The following RNF31 variants were observed in gnomAD, a reference collection of about 807,000 sequenced individuals.
RNF31 encodes E3 ubiquitin-protein ligase RNF31.
RNF31 carries 38 observed loss-of-function variants against 133.6 expected under a neutral mutation model. The observed-to-expected ratio is 0.28, with a 90% CI of 0.22 to 0.37. The LOEUF (loss-of-function observed/expected upper bound fraction) is 0.37. RNF31 is among the 10% of genes least tolerant of loss of function. RNF31 has a pLI of 1.00. For synonymous variants in RNF31, 582 were observed against 552.3 expected (o/e 1.05, Z -0.75); for missense variants, 1,118 against 1,394.1 (o/e 0.80, Z 3.15).
At chr14:24,158,093 G>C (rs1171165627) in intron 17 of RNF31, 49 bp from the exon 18 acceptor site, 1 of 1,612,102 alleles carries the variant, frequency 6.2e-7, no homozygotes. Flanking sequence ...ATTGCAACAG[G>C]GACTTGGCAT....
At position 24,160,201 on chromosome 14, in the gene RNF31, G is replaced by C. The variant is rs755603038; in HGVS notation, c.2997-38G>C. The C allele has an allele frequency of 1.9e-6, 3 of 1,590,236 alleles. No homozygotes were observed. In the South Asian group the frequency reaches 3.3e-5, roughly 18 times the overall value. ...TGTTAGACACACTCAGTTAATATTAGCCAACACAACAAATATTCTGCTCCC... is the reference window on the plus strand; with the variant it reads ...TGTTAGACACACTCAGTTAATATTACCCAACACAACAAATATTCTGCTCCC... On this transcript the variant is annotated intron_variant, in intron 19 of 20. Transcript: ENST00000324103. This position sits in a 1 kb window ranked among gnomAD's most constrained non-coding sequence, Gnocchi z 4.0.
chr14:24,158,459 T>C (rs2038380027), intron 18 of RNF31: 1 of 523,112 alleles, frequency 1.9e-6, no homozygotes, highest in Non-Finnish European at 3.4e-6. Context: ...CATTCCCAAA[T>C]GATCATAATT....
chr14:24,148,495 C>T (rs1160115850), intron 3 of RNF31, 82 bp downstream of exon 3: 4 of 1,607,528 alleles, frequency 2.5e-6, no homozygotes, highest in Admixed American at 3.4e-5. Context: ...TGAGGACCCC[C>T]GTGCTGCTGA....
intron 11 of RNF31, among the ~76,000 whole-genome samples, chr14:24,153,178 C>T (rs1029758682): frequency 1.4e-4 from 21 of 152,092 alleles, no homozygotes; most frequent in Admixed American, 9.8e-4. Context: ...GGCATGATGC[C>T]TCATGCCTGT....
rs1460301138 is a variant in RNF31 at position 24,147,522 on chromosome 14, C to A, written c.-177C>A. On this transcript the variant is annotated 5_prime_UTR_variant, in exon 1 of 21. Transcript: ENST00000324103. ...CCTAGTACTTCCTGTTCTCGGCTAA[C>A]CCTGGCGCTGGGCCGGGGGCTGGAG... 6 of 494,814 alleles carry A rather than the reference C, an allele frequency of 1.2e-5. No individual in the cohort carries two copies. The highest frequency in any genetic ancestry group is 2.0e-5 in the Non-Finnish European group (6 of 299,042). 30.7% of individuals were successfully genotyped at this position (494,814 alleles called of 1,614,324 possible). A position where few individuals can be genotyped will look rare whatever the true frequency, so the allele number is the denominator to read the frequency against.
Position 24,157,638 on chromosome 14 carries a change from T to C in RNF31, c.2727T>C (p.Asn909=). 6.2e-7 allele frequency: 1 copy of C among 1,613,258 alleles called. No homozygotes were observed. The highest frequency in any genetic ancestry group is 8.5e-7 in the Non-Finnish European group (1 of 1,179,326). Residue 909 remains asparagine, a splice_region_variant and synonymous_variant, in exon 16 of 21, where the codon AAT becomes AAC. Transcript: ENST00000324103. ...GCTACAATGCCTTTTACGCCAAGAA[T>C]GTAAGCCCAGAGAGTTGGGGAAGGG... is the stretch of plus-strand genomic sequence containing the variant. ...SGCYNAFYAK[N]KCPEPNCRVK...
chr14:24,152,562 G>C (rs1594378056), intron 11 of RNF31, among the ~76,000 whole-genome samples: 1 of 143,478 alleles, frequency 7.0e-6, no homozygotes, highest in African/African-American at 2.5e-5. Flanking sequence ...GGGATTACAG[G>C]CACCCGCCAC....
Position 24,150,394 on chromosome 14 carries a change from T to C in RNF31, c.1143T>C (p.Pro381=), listed in dbSNP as rs1475946392. ...SICERPRLAQ[P]PSLVVDSRDA... ...GTGAGCGACCTCGGCTGGCCCAGCC[T>C]CCCAGCTTGGTGGTGGATTCCCGAG... is the stretch of plus-strand genomic sequence containing the variant. The change falls in exon 7 of 21, where the codon CCT becomes CCC. Residue 381 remains proline (P), a synonymous_variant. Transcript: ENST00000324103. The C allele has an allele frequency of 6.2e-7, 1 of 1,613,244 alleles. No homozygotes were observed. The highest frequency in any genetic ancestry group is 1.3e-5 in the African/African-American group (1 of 74,928).
At chr14:24,159,795 A>C in intron 18 of RNF31, 69 bp from the exon 19 acceptor site, 1 of 1,258,018 alleles carries the variant, frequency 7.9e-7, no homozygotes, top group Non-Finnish European at 1.2e-6. Context: ...TGCCTTGTGG[A>C]TATCCCAGTT....
Position 24,155,780 on chromosome 14 carries a change from A to G in RNF31, c.2493+88A>G, listed in dbSNP as rs2038333528. On this transcript the variant is annotated intron_variant, in intron 14 of 20. Coordinates refer to ENST00000324103, the MANE Select transcript of RNF31 (RefSeq NM_017999.5). The surrounding 1 kb of genome is among the most constrained non-coding windows in gnomAD (Gnocchi z 4.9). ...CAGGGGAGTTTGTGTACTGGAGAGC[A>G]AAACAGACATGAGCTCTGAGGTCAA... 8.9e-7 allele frequency: 1 copy of G among 1,119,348 alleles called. No homozygotes were observed. The allele number at this position is 1,119,348 out of a possible 1,614,324, so 69.3% of individuals were successfully genotyped here.
intron 11 of RNF31, among the ~76,000 whole-genome samples, chr14:24,152,365 A>G (rs1175400108): frequency 2.6e-5 from 4 of 152,202 alleles, no homozygotes; most frequent in Non-Finnish European, 5.9e-5. Context: ...ATCAGGCATA[A>G]TATAGTTTAT....
chr14:24,154,978 AC>A lies in RNF31; in HGVS notation c.2131-176del. 4.9e-6 allele frequency: 3 copies of A among 610,692 alleles called. No individual in the cohort carries two copies. In the South Asian group the frequency reaches 6.1e-5, roughly 12 times the overall value. The allele number at this position is 610,692 out of a possible 1,614,324, so 37.8% of individuals were successfully genotyped here. A position where few individuals can be genotyped will look rare whatever the true frequency, so the allele number is the denominator to read the frequency against. ...GTGTCACCATTGTCTATTTTCCTCCACCCGACTGTCTTCAGATGTTTACGTT... is the reference window on the plus strand; with the variant it reads ...GTGTCACCATTGTCTATTTTCCTCCACCGACTGTCTTCAGATGTTTACGTT... On this transcript the variant is annotated intron_variant, in intron 11 of 20. Coordinates refer to ENST00000324103, the MANE Select transcript of RNF31 (RefSeq NM_017999.5).
rs371982920 is a variant in RNF31, at chr14:24,151,711, G to A, written c.1923+41G>A. 256 of 1,603,900 alleles carry A rather than the reference G, an allele frequency of 1.6e-4. 1 individual carries two copies. In the African/African-American group the frequency reaches 3.1e-3, roughly 20 times the overall value. ...AAGAAGCCCAAGGGTCCACCTAGAG[G>A]AGCAAGAGGGAGCTGAGGGGAAGGG... On this transcript the variant is annotated intron_variant, in intron 10 of 20. Coordinates refer to ENST00000324103, the MANE Select transcript of RNF31 (RefSeq NM_017999.5). This position sits in a 1 kb window ranked among gnomAD's most constrained non-coding sequence, Gnocchi z 5.3.
At chr14:24,152,483 C>T (rs1026150963) in intron 11 of RNF31, among the ~76,000 whole-genome samples, 2 of 152,002 alleles carry the variant, frequency 1.3e-5, no homozygotes, top group African/African-American at 4.8e-5. Context: ...AGTGCAATGG[C>T]GTGATCTCGG....
At chr14:24,148,757 T>G in intron 4 of RNF31, 44 bp from the exon 5 acceptor site, 2 of 1,611,788 alleles carry the variant, frequency 1.2e-6, no homozygotes, top group Non-Finnish European at 1.7e-6. Context: ...TGTGAGACTC[T>G]GTGTCCCTAA....
chr14:24,155,561 C>T lies in RNF31; in HGVS notation c.2404-42C>T. 1.9e-6 allele frequency: 3 copies of T among 1,613,288 alleles called. No individual in the cohort carries two copies. The highest frequency in any genetic ancestry group is 1.7e-6 in the Non-Finnish European group (2 of 1,179,176). On this transcript the variant is annotated intron_variant, in intron 13 of 20. Coordinates refer to ENST00000324103, the MANE Select transcript of RNF31 (RefSeq NM_017999.5). The surrounding 1 kb of genome is among the most constrained non-coding windows in gnomAD (Gnocchi z 4.9). ...TACTGTGGAGGGGCAGGGGATGGTT[C>T]CAGGTCAGGCCTTTGATAACTTTAT...
intron 11 of RNF31, among the ~76,000 whole-genome samples, chr14:24,152,386 G>GTA (rs772717181): frequency 5.9e-5 from 9 of 151,324 alleles, no homozygotes; most frequent in Non-Finnish European, 1.2e-4. Flanking sequence ...AAATGTTTCC[G>GTA]TATATATCTC....
intron 11 of RNF31, among the ~76,000 whole-genome samples, chr14:24,153,558 C>A (rs1566614961): frequency 6.6e-6 from 1 of 151,044 alleles, no homozygotes; most frequent in Non-Finnish European, 1.5e-5. Context: ...GCCTGGGCGA[C>A]AGAATGAGAT....
rs1286976781 is a variant in RNF31 at position 24,159,898 on chromosome 14, C to A, written c.2934C>A (p.Pro978=). Residue 978 remains proline, a synonymous_variant, in exon 19 of 21, where the codon CCC becomes CCA. Coordinates refer to ENST00000324103, the MANE Select transcript of RNF31 (RefSeq NM_017999.5). ...GCRVIEQKEV[P]NGLRDEACGK... ...GAGTGATAGAGCAGAAGGAGGTTCC[C>A]AATGGGCTCAGGGACGAAGCTTGTG... 3.7e-6 allele frequency: 6 copies of A among 1,614,020 alleles called. No individual in the cohort carries two copies.
Sources: allele counts gnomAD v4.1 joint callset (sites outside exome capture counted in the v4.1 genomes callset), GRCh38; gene constraint gnomAD v4.1.1; non-coding constraint Gnocchi (gnomAD v3.1); transcripts MANE v1.5; gene names NCBI Gene and HGNC (gene_info 2026-07-23, HGNC 2026-07-21).